The following ANGEL1 variants were observed in gnomAD, a reference collection of about 807,000 sequenced individuals.
The protein encoded by ANGEL1 is angel homolog 1.
In ANGEL1, 62 loss-of-function variants were observed where a neutral mutation model predicts 76.4. The ratio of observed to expected loss-of-function variants is 0.81; its 90% CI spans 0.66 to 1.00. ANGEL1 has a LOEUF of 1.00. Among genes scored for constraint, ANGEL1 ranks in the 50% least tolerant of loss-of-function variants. The pLI is 0.00. For synonymous variants in ANGEL1, 340 were observed against 331.7 expected (o/e 1.03, Z -0.27); for missense variants, 737 against 836.7 (o/e 0.88, Z 1.47).
intron 7 of ANGEL1, among the ~76,000 whole-genome samples, chr14:76,796,151 T>C (rs557265879): frequency 1.3e-5 from 2 of 152,258 alleles, no homozygotes; most frequent in African/African-American, 4.8e-5. Context: ...TAATGGTATT[T>C]TCATTATTGT....
At chr14:76,799,330 G>GTTGCCC (rs1555361130) in intron 7 of ANGEL1, among the ~76,000 whole-genome samples, 2 of 111,996 alleles carry the variant, frequency 1.8e-5, no homozygotes, top group Non-Finnish European at 3.3e-5. Flanking sequence ...GTCTTGCTCT[G>GTTGCCC]TCGCCCAGGC....
rs896333089 is a variant in ANGEL1, at chr14:76,787,991, G to C, written c.*1237C>G. 2 of 152,396 alleles carry C rather than the reference G, an allele frequency of 1.3e-5. No homozygotes were observed. The highest frequency in any genetic ancestry group is 4.8e-5 in the African/African-American group (2 of 41,466). 9.4% of individuals were successfully genotyped at this position (152,396 alleles called of 1,614,324 possible). Reference sequence around the variant, plus strand: ...AGGCCTTGCTGGACAGAGCCAATCCGCAAGTACTGCCACTTCAAATTCTTG... The same window carrying C: ...AGGCCTTGCTGGACAGAGCCAATCCCCAAGTACTGCCACTTCAAATTCTTG... On this transcript the variant is annotated 3_prime_UTR_variant, in exon 10 of 10. Coordinates refer to ENST00000251089, the MANE Select transcript of ANGEL1 (RefSeq NM_015305.4).
At chr14:76,805,135 C>T (rs1303939655) in intron 5 of ANGEL1, among the ~76,000 whole-genome samples, 1 of 152,064 alleles carries the variant, frequency 6.6e-6, no homozygotes, top group African/African-American at 2.4e-5. Flanking sequence ...TACTGGAAAA[C>T]ACTTTACACG....
chr14:76,789,137 G>C lies in ANGEL1; in HGVS notation c.*91C>G. 1 of 1,501,740 alleles carries C rather than the reference G, an allele frequency of 6.7e-7. No individual in the cohort carries two copies. The highest frequency in any genetic ancestry group is 9.0e-7 in the Non-Finnish European group (1 of 1,106,288). 93.0% of individuals were successfully genotyped at this position (1,501,740 alleles called of 1,614,324 possible). A position where few individuals can be genotyped will look rare whatever the true frequency, so the allele number is the denominator to read the frequency against. ...GAAGGGAGGGGATGTAAGTTTCTTG[G>C]ATCTAAGTTTCTAGATGCATGGGAT... On this transcript the variant is annotated 3_prime_UTR_variant, in exon 10 of 10. Coordinates refer to ENST00000251089, the MANE Select transcript of ANGEL1 (RefSeq NM_015305.4).
intron 7 of ANGEL1, among the ~76,000 whole-genome samples, chr14:76,792,872 T>C (rs1274179497): frequency 2.6e-5 from 4 of 152,182 alleles, no homozygotes; most frequent in African/African-American, 9.7e-5. Context: ...CTATTTGACA[T>C]TGTACCAAAA....
At chr14:76,809,017 C>CA (rs768585642) in intron 2 of ANGEL1, 42 bp downstream of exon 2, 3 of 1,554,134 alleles carry the variant, frequency 1.9e-6, no homozygotes, top group Non-Finnish European at 2.6e-6. Flanking sequence ...ACACCTGAGA[C>CA]ACCCTGTTCC....
intron 7 of ANGEL1, among the ~76,000 whole-genome samples, chr14:76,799,146 C>G (rs918567975): frequency 6.6e-6 from 1 of 152,012 alleles, no homozygotes; most frequent in Non-Finnish European, 1.5e-5. Context: ...GTTAAGTTGT[C>G]ATGGTTTGAA....
rs779494982 is a variant in ANGEL1 at position 76,809,461 on chromosome 14, C to T, written c.247G>A (p.Asp83Asn). 2.5e-6 allele frequency: 4 copies of T among 1,614,106 alleles called. No individual in the cohort carries two copies. Among genetic ancestry groups the T allele is most frequent in the Non-Finnish European group, 2.5e-6 (3 of 1,180,038 alleles). The change falls in exon 2 of 10, where the codon GAT becomes AAT. Residue 83 changes from aspartate to asparagine, a missense_variant. Physicochemically the swap from Asp to Asn is conservative, Grantham distance 23. Transcript: ENST00000251089. ...AGGCTGCTCTGGGCTAGTCCTTTAT[C>T]TATAAGGGGCCCCTCACTTGCAGTT... is the stretch of plus-strand genomic sequence containing the variant. ...LSTASEGPLIDKGLAQSSLAL... is the reference protein window; with the variant it reads ...LSTASEGPLINKGLAQSSLAL...
In ANGEL1 at chr14:76,803,539, C is replaced by A. The variant is rs534991168; in HGVS notation, c.1508-58G>T. 4.5e-6 allele frequency: 7 copies of A among 1,553,590 alleles called. No individual in the cohort carries two copies. The Admixed American group carries it at 1.0e-4, about 22-fold the overall frequency. ...AAGACGATGAAGCCACATGCTGAGACCTCCTTAGTACCAAGCAACTTCCAG... is the reference window on the plus strand; with the variant it reads ...AAGACGATGAAGCCACATGCTGAGAACTCCTTAGTACCAAGCAACTTCCAG... On this transcript the variant is annotated intron_variant, in intron 6 of 9. Coordinates refer to ENST00000251089, the MANE Select transcript of ANGEL1 (RefSeq NM_015305.4).
chr14:76,796,131 C>T (rs1894569322), intron 7 of ANGEL1, among the ~76,000 whole-genome samples: 1 of 151,940 alleles, frequency 6.6e-6, no homozygotes, highest in South Asian at 2.1e-4. Context: ...TTAGCTATAA[C>T]CAACAAATAT....
Position 76,789,263 on chromosome 14 carries a change from G to A in ANGEL1, c.1978C>T (p.Leu660=). 1.2e-6 allele frequency: 2 copies of A among 1,614,244 alleles called. No individual in the cohort carries two copies. The highest frequency in any genetic ancestry group is 2.2e-5 in the South Asian group (2 of 91,092). Reference sequence around the variant, plus strand: ...GTGACTTCCATCCCGAAGCTGGCTAGCAGGCAGAGGTGGTCTGAAGAGCAG... The same window carrying A: ...GTGACTTCCATCCCGAAGCTGGCTAACAGGCAGAGGTGGTCTGAAGAGCAG... ...PFCSSDHLCL[L]ASFGMEVTAP The change falls in exon 10 of 10, where the codon CTA becomes TTA. Residue 660 remains leucine (L), a synonymous_variant. Transcript: ENST00000251089.
At chr14:76,812,606 CG>C (rs1755808078) in intron 1 of ANGEL1, 157 bp downstream of exon 1, 1 of 1,301,170 alleles carries the variant, frequency 7.7e-7, no homozygotes, top group Non-Finnish European at 9.8e-7. Context: ...AGGAGGGGCC[CG>C]CGGGGCAGGG....
At position 76,789,112 on chromosome 14, in the gene ANGEL1, G is replaced by C; in HGVS notation, c.*116C>G. ...GTGGGAAAAAGGGAACGAGGAGGGG[G>C]AAGGGAGGGGATGTAAGTTTCTTGG... On this transcript the variant is annotated 3_prime_UTR_variant, in exon 10 of 10. Transcript: ENST00000251089. 1 of 1,328,908 alleles carries C rather than the reference G, an allele frequency of 7.5e-7. No homozygotes were observed. Among genetic ancestry groups the C allele is most frequent in the African/African-American group, 1.5e-5 (1 of 68,326 alleles). The allele number at this position is 1,328,908 out of a possible 1,614,324, so 82.3% of individuals were successfully genotyped here. A position where few individuals can be genotyped will look rare whatever the true frequency, so the allele number is the denominator to read the frequency against.
At chr14:76,795,836 T>C (rs1180499975) in intron 7 of ANGEL1, among the ~76,000 whole-genome samples, 1 of 152,220 alleles carries the variant, frequency 6.6e-6, no homozygotes, top group African/African-American at 2.4e-5. Context: ...TGCTTGTTCC[T>C]GCTCTTTTCC....
chr14:76,812,598 G>C, intron 1 of ANGEL1, 166 bp downstream of exon 1: 1 of 1,300,280 alleles, frequency 7.7e-7, no homozygotes. Context: ...GTGGGGTCAG[G>C]AGGGGCCCGC....
At position 76,789,008 on chromosome 14, in the gene ANGEL1, G is replaced by A; in HGVS notation, c.*220C>T. 5.4e-6 allele frequency: 3 copies of A among 554,366 alleles called. No homozygotes were observed. The highest frequency in any genetic ancestry group is 9.4e-6 in the Non-Finnish European group (3 of 320,062). The allele number at this position is 554,366 out of a possible 1,614,324, so 34.3% of individuals were successfully genotyped here. ...CCTCTCCCAGGGCCACTGAGTGTGT[G>A]GCACAGGATTAGGAAGAGGCTGGGG... On this transcript the variant is annotated 3_prime_UTR_variant, in exon 10 of 10. Coordinates refer to ENST00000251089, the MANE Select transcript of ANGEL1 (RefSeq NM_015305.4).
At chr14:76,795,470 CTG>C (rs1314775736) in intron 7 of ANGEL1, among the ~76,000 whole-genome samples, 1 of 152,112 alleles carries the variant, frequency 6.6e-6, no homozygotes, top group African/African-American at 2.4e-5. Flanking sequence ...TTCTCTCTTT[CTG>C]TGTGTTTACT....
rs758272685 is a variant in ANGEL1, at chr14:76,806,528, C to A, written c.1268G>T (p.Gly423Val). The A allele has an allele frequency of 6.2e-7, 1 of 1,614,182 alleles. No individual in the cohort carries two copies. Among genetic ancestry groups the A allele is most frequent in the South Asian group, 1.1e-5 (1 of 91,084 alleles). Residue 423 changes from glycine to valine, a missense_variant, in exon 5 of 10, where the codon GGC becomes GTC. Gly to Val is a moderately radical substitution (Grantham distance 109). Around this residue, in one of 2 missense-constraint regions of ANGEL1, gnomAD observed 296 missense variants for 387.2 expected, o/e 0.76. Coordinates refer to ENST00000251089, the MANE Select transcript of ANGEL1 (RefSeq NM_015305.4). ...EVDKVARLSD[G>V]SHCPIILCGD... The stretch of plus-strand genomic sequence containing the variant: ...GCACAAGATGATGGGGCAGTGGCTG[C>A]CATCTGACAGTCTGGCCACCTTGTC...
At chr14:76,805,644 G>C (rs1894897275) in intron 5 of ANGEL1, among the ~76,000 whole-genome samples, 1 of 152,262 alleles carries the variant, frequency 6.6e-6, no homozygotes, top group East Asian at 1.9e-4. Flanking sequence ...GAAGGAATGA[G>C]ATCCATATGC....
Sources: allele counts gnomAD v4.1 joint callset (sites outside exome capture counted in the v4.1 genomes callset), GRCh38; gene constraint gnomAD v4.1.1; regional missense constraint gnomAD v4.1.1; transcripts MANE v1.5; gene names NCBI Gene and HGNC (gene_info 2026-07-23, HGNC 2026-07-21).